The following UTP20 variants were observed in gnomAD, a reference collection of about 807,000 sequenced individuals.
UTP20 encodes the protein UTP20 small subunit processome component.
Under a neutral mutation model 329.5 loss-of-function variants are expected in UTP20, and 164 were observed. That is an observed-to-expected ratio of 0.50 (90% CI 0.44 to 0.57). UTP20 has a LOEUF of 0.57. UTP20 is among the 20% of genes least tolerant of loss of function. The pLI is 0.00. For synonymous variants in UTP20, 1,151 were observed against 1,159.3 expected, an observed-to-expected ratio of 0.99 and a Z score of 0.14; for missense variants, 3,055 against 3,284.2, an observed-to-expected ratio of 0.93 and a Z score of 1.71.
Position 101,288,809 on chromosome 12 carries a change from C to CTT in UTP20, c.516-150_516-149insTT. The CTT allele has an allele frequency of 1.2e-5, 8 of 656,760 alleles. No homozygotes were observed. In the South Asian group the frequency reaches 1.6e-4, roughly 13 times the overall value. 40.7% of individuals were successfully genotyped at this position (656,760 alleles called of 1,614,324 possible). ...AGTCTTCCTTTCAACATGTGGGTGTCTCCATAAATGAATGAGATTTTAAAT... is the reference window on the plus strand; with the variant it reads ...AGTCTTCCTTTCAACATGTGGGTGTCTTTCCATAAATGAATGAGATTTTAAAT... On this transcript the variant is annotated intron_variant, in intron 5 of 61. Transcript: ENST00000261637.
chr12:101,310,595 A>AAAAAAAAAAAAAAAACAAAAAG (rs1330692306), intron 19 of UTP20, among the ~76,000 whole-genome samples: 1 of 121,656 alleles, frequency 8.2e-6, no homozygotes, highest in Non-Finnish European at 2.0e-5. Flanking sequence ...AAAAAAAAAA[A>AAAAAAAAAAAAAAAACAAAAAG]AAATACATGT....
Position 101,321,474 on chromosome 12 carries a change from G to A in UTP20, c.2916-30G>A, listed in dbSNP as rs754529753. 6 of 1,609,194 alleles carry A rather than the reference G, an allele frequency of 3.7e-6. No individual in the cohort carries two copies. The Admixed American group carries it at 5.0e-5, about 13-fold the overall frequency. On this transcript the variant is annotated intron_variant, in intron 24 of 61. Transcript: ENST00000261637. ...TATTCAAAAGCACTGTTGATAAAGT[G>A]GTGATTTGTGCTGTTCTCTGTTTTT...
At chr12:101,327,319 C>A (rs769070595) in intron 26 of UTP20, 72 bp downstream of exon 26, 53 of 1,388,642 alleles carry the variant, frequency 3.8e-5, no homozygotes, top group Non-Finnish European at 4.8e-5. Context: ...GGCTACATTT[C>A]CCATGCTCCT....
At chr12:101,335,795 C>T (rs1241612111) in intron 29 of UTP20, among the ~76,000 whole-genome samples, 1 of 152,100 alleles carries the variant, frequency 6.6e-6, no homozygotes, top group Non-Finnish European at 1.5e-5. Flanking sequence ...ACATTGTCTT[C>T]CTCAGGAAAA....
chr12:101,319,451 G>A lies in UTP20; in HGVS notation c.2739-94G>A, dbSNP rs948197603. 4 of 850,344 alleles carry A rather than the reference G, an allele frequency of 4.7e-6. No individual in the cohort carries two copies. The African/African-American group carries it at 6.9e-5, about 15-fold the overall frequency. The allele number at this position is 850,344 out of a possible 1,614,324, so 52.7% of individuals were successfully genotyped here. ...TAGTGAAACTATAGGCGGGGTGTTT[G>A]AAGTTCTAGTCAGAATAAAATTGTA... On this transcript the variant is annotated intron_variant, in intron 22 of 61. Coordinates refer to ENST00000261637, the MANE Select transcript of UTP20 (RefSeq NM_014503.3).
intron 39 of UTP20, 23 bp downstream of exon 39, chr12:101,352,217 T>C (rs1358799607): frequency 6.3e-7 from 1 of 1,591,544 alleles, no homozygotes; most frequent in East Asian, 2.2e-5. Context: ...TTCTTATTTT[T>C]GTTTTGTTTT....
intron 29 of UTP20, 33 bp downstream of exon 29, chr12:101,334,537 G>A: frequency 6.3e-7 from 1 of 1,576,546 alleles, no homozygotes; most frequent in South Asian, 1.1e-5. Context: ...CTTTAAAAAG[G>A]GCAGTGTTTT....
chr12:101,282,110 C>T (rs1022932938), intron 2 of UTP20, among the ~76,000 whole-genome samples: 1 of 152,106 alleles, frequency 6.6e-6, no homozygotes, highest in African/African-American at 2.4e-5. Flanking sequence ...AATCTCAGTT[C>T]GTAATATTCT....
intron 43 of UTP20, among the ~76,000 whole-genome samples, chr12:101,359,167 A>G (rs1159803004): frequency 1.3e-5 from 2 of 152,048 alleles, no homozygotes; most frequent in Non-Finnish European, 2.9e-5. Flanking sequence ...GGGTTCAAGC[A>G]GTTCTCATGC....
intron 51 of UTP20, 48 bp downstream of exon 51, chr12:101,371,216 ATCTT>A: frequency 7.2e-6 from 10 of 1,382,588 alleles, no homozygotes; most frequent in Non-Finnish European, 8.9e-6. Context: ...GCCCTGCCGC[ATCTT>A]TGTGGCAGAG....
intron 2 of UTP20, among the ~76,000 whole-genome samples, chr12:101,283,328 C>T (rs1000998550): frequency 2.0e-5 from 3 of 152,132 alleles, no homozygotes; most frequent in Non-Finnish European, 4.4e-5. Context: ...CCTCTTATTC[C>T]CCAATAAGCT....
intron 59 of UTP20, 50 bp from the exon 60 acceptor site, chr12:101,383,493 G>A (rs1404873913): frequency 6.3e-7 from 1 of 1,590,162 alleles, no homozygotes; most frequent in Non-Finnish European, 8.6e-7. Flanking sequence ...GTCTATGATT[G>A]AGTGCTAAAG....
intron 21 of UTP20, among the ~76,000 whole-genome samples, chr12:101,316,679 G>A (rs951929171): frequency 7.2e-5 from 11 of 152,146 alleles, no homozygotes; most frequent in Non-Finnish European, 1.3e-4. Context: ...GACTTGAAAG[G>A]CCATCCAATC....
At chr12:101,301,243 G>A (rs1292971195) in intron 14 of UTP20, among the ~76,000 whole-genome samples, 1 of 152,172 alleles carries the variant, frequency 6.6e-6, no homozygotes, top group African/African-American at 2.4e-5. Context: ...AATTATGTTG[G>A]ATATCATGGC....
rs755587225 is a variant in UTP20, at chr12:101,312,051, A to C, written c.2327A>C (p.Asn776Thr). Reference protein sequence around the residue: ...AATHAEKELQNDMTDEKSVGD... With the variant: ...AATHAEKELQTDMTDEKSVGD... The stretch of plus-strand genomic sequence containing the variant: ...TTTCTTGCAGAGAAGGAACTACAGA[A>C]TGATATGACAGATGAGAAGTCCGTT... The change falls in exon 21 of 62, where the codon AAT becomes ACT. Residue 776 changes from asparagine to threonine, a missense_variant. Physicochemically the swap from Asn to Thr is moderately conservative, Grantham distance 65. Around this residue, in one of 3 missense-constraint regions of UTP20, gnomAD observed 2,445 missense variants for 2,575.5 expected, o/e 0.95. Coordinates refer to ENST00000261637, the MANE Select transcript of UTP20 (RefSeq NM_014503.3). 4.3e-6 allele frequency: 7 copies of C among 1,614,246 alleles called. No homozygotes were observed. Among genetic ancestry groups the C allele is most frequent in the Non-Finnish European group, 5.9e-6 (7 of 1,180,036 alleles).
At position 101,329,406 on chromosome 12, in the gene UTP20, G is replaced by C. The variant is rs748907134; in HGVS notation, c.3374G>C (p.Cys1125Ser). 8.1e-6 allele frequency: 13 copies of C among 1,613,778 alleles called. No homozygotes were observed. Among genetic ancestry groups the C allele is most frequent in the African/African-American group, 1.3e-5 (1 of 74,898 alleles). The change falls in exon 27 of 62, where the codon TGT (cysteine) becomes TCT (serine). Residue 1125 changes from cysteine to serine, a missense_variant. Coordinates refer to ENST00000261637, the MANE Select transcript of UTP20 (RefSeq NM_014503.3). ...CCGAAGATTTTGCAGATACTGCTCT[G>C]TATGACAGCAACCGTATCACACATC... ...YLPKILQILL[C>S]MTATVSHILD...
intron 19 of UTP20, 103 bp downstream of exon 19, chr12:101,309,942 T>C (rs757219864): frequency 7.0e-6 from 7 of 1,003,824 alleles, no homozygotes; most frequent in Admixed American, 2.0e-5. Flanking sequence ...TGAATGGGTG[T>C]ATATGGTATT....
At chr12:101,290,970 C>T in intron 8 of UTP20, 82 bp downstream of exon 8, 1 of 1,391,632 alleles carries the variant, frequency 7.2e-7, no homozygotes, top group Non-Finnish European at 9.8e-7. Context: ...GCAAATCACT[C>T]CTAGAAGTTA....
chr12:101,289,111 T>C, intron 6 of UTP20, 70 bp downstream of exon 6: 2 of 1,375,348 alleles, frequency 1.5e-6, no homozygotes, highest in Admixed American at 1.9e-5. Context: ...GCGTGGTGGC[T>C]CATGCCTGTA....
Sources: allele counts gnomAD v4.1 joint callset (sites outside exome capture counted in the v4.1 genomes callset), GRCh38; gene constraint gnomAD v4.1.1; regional missense constraint gnomAD v4.1.1; transcripts MANE v1.5; gene names NCBI Gene and HGNC (gene_info 2026-07-23, HGNC 2026-07-21).